The following ATP6V1H variants were observed in gnomAD, a reference collection of about 807,000 sequenced individuals.
The protein encoded by ATP6V1H is ATPase H+ transporting V1 subunit H.
A neutral mutation model predicts 71.7 loss-of-function variants in ATP6V1H; 39 were observed. The ratio of observed to expected loss-of-function variants is 0.54; its 90% CI spans 0.42 to 0.71. The LOEUF is 0.71. Among genes scored for constraint, ATP6V1H ranks in the 30% least tolerant of loss-of-function variants. ATP6V1H has a pLI of 0.00. For missense variants in ATP6V1H, 509 were observed against 594.9 expected (o/e 0.86, Z 1.50); for synonymous variants, 192 against 199.3 (o/e 0.96, Z 0.31).
intron 12 of ATP6V1H, among the ~76,000 whole-genome samples, chr8:53,751,029 G>C (rs911104761): frequency 2.0e-5 from 3 of 152,198 alleles, no homozygotes; most frequent in Non-Finnish European, 4.4e-5. Flanking sequence ...AAGGCACAGA[G>C]AGGTAAAGGG....
At chr8:53,792,243 T>C (rs1441132232) in intron 9 of ATP6V1H, among the ~76,000 whole-genome samples, 1 of 152,188 alleles carries the variant, frequency 6.6e-6, no homozygotes, top group Non-Finnish European at 1.5e-5. Context: ...AAGAGTGAAC[T>C]TCAAGGACCA....
intron 4 of ATP6V1H, among the ~76,000 whole-genome samples, chr8:53,819,547 CATATATATATATATATATATATATATAT>C (rs34645455): frequency 2.8e-5 from 1 of 35,136 alleles, no homozygotes; most frequent in Admixed American, 4.9e-4. Flanking sequence ...AAAAAAAAAG[CATATATATATATATATATATATATATAT>C]ATATATATAT....
At chr8:53,804,901 C>T (rs1024761897) in intron 7 of ATP6V1H, among the ~76,000 whole-genome samples, 4 of 152,302 alleles carry the variant, frequency 2.6e-5, no homozygotes, top group South Asian at 2.1e-4. Context: ...GCTGAAAATG[C>T]AAGCTCTTAC....
chr8:53,739,146 A>C (rs1293536272), intron 13 of ATP6V1H, among the ~76,000 whole-genome samples: 3 of 151,504 alleles, frequency 2.0e-5, no homozygotes, highest in African/African-American at 7.4e-5. Context: ...TAGAAATTAG[A>C]ATTCTAATTT....
chr8:53,738,417 C>T (rs1313861031), intron 13 of ATP6V1H, among the ~76,000 whole-genome samples: 1 of 152,140 alleles, frequency 6.6e-6, no homozygotes, highest in Non-Finnish European at 1.5e-5. Context: ...CAATGAAAAC[C>T]AAAGCAAGTT....
chr8:53,796,328 C>A (rs1809735646), intron 8 of ATP6V1H, among the ~76,000 whole-genome samples: 2 of 151,992 alleles, frequency 1.3e-5, no homozygotes, highest in Non-Finnish European at 2.9e-5. Context: ...ATCAAGAGAT[C>A]AAAAACCTCA....
At chr8:53,829,382 GCTA>G in intron 4 of ATP6V1H, 59 bp downstream of exon 4, 6 of 990,120 alleles carry the variant, frequency 6.1e-6, no homozygotes, top group Non-Finnish European at 7.9e-6. Context: ...CAAAAATGCT[GCTA>G]CTGTGAGGTA....
chr8:53,752,631 A>G (rs1299714896), intron 12 of ATP6V1H, among the ~76,000 whole-genome samples: 1 of 151,988 alleles, frequency 6.6e-6, no homozygotes, highest in African/African-American at 2.4e-5. Context: ...GCTCACTGCA[A>G]CCTCCACCTC....
chr8:53,827,705 T>A (rs1449681241), intron 4 of ATP6V1H, among the ~76,000 whole-genome samples: 3 of 152,144 alleles, frequency 2.0e-5, no homozygotes, highest in Non-Finnish European at 4.4e-5. Context: ...TATTTCATAA[T>A]CCAGGTACTA....
intron 12 of ATP6V1H, among the ~76,000 whole-genome samples, chr8:53,744,273 T>C (rs1807518007): frequency 6.7e-6 from 1 of 149,396 alleles, no homozygotes; most frequent in Admixed American, 6.7e-5. Flanking sequence ...AGAACATTCA[T>C]ATCTTCGAGA....
At chr8:53,763,165 G>T (rs1028728115) in intron 11 of ATP6V1H, among the ~76,000 whole-genome samples, 6 of 152,154 alleles carry the variant, frequency 3.9e-5, no homozygotes, top group Non-Finnish European at 7.4e-5. Context: ...TTTTGACTGT[G>T]GGGGAGGAGG....
chr8:53,840,939 A>G (rs1480112134), intron 2 of ATP6V1H, among the ~76,000 whole-genome samples: 3 of 152,206 alleles, frequency 2.0e-5, no homozygotes, highest in African/African-American at 7.2e-5. Context: ...CACATTAAAT[A>G]TTAATACATA....
At chr8:53,840,202 A>C (rs1811297465) in intron 2 of ATP6V1H, among the ~76,000 whole-genome samples, 1 of 152,176 alleles carries the variant, frequency 6.6e-6, no homozygotes, top group African/African-American at 2.4e-5. Flanking sequence ...GCCACAGTTA[A>C]CATACTGAAT....
intron 3 of ATP6V1H, 145 bp from the exon 4 acceptor site, chr8:53,829,678 T>C (rs1810942210): frequency 1.8e-6 from 1 of 548,528 alleles, no homozygotes; most frequent in Non-Finnish European, 3.2e-6. Context: ...ATACCTTTTA[T>C]AAATATTGTG....
chr8:53,776,900 A>G (rs139725201), intron 9 of ATP6V1H, among the ~76,000 whole-genome samples: 169 of 152,364 alleles, frequency 1.1e-3, no homozygotes, highest in African/African-American at 3.7e-3. Context: ...ATAAAAACAC[A>G]GATCATTTGA....
chr8:53,785,886 C>T (rs960388799), intron 9 of ATP6V1H, among the ~76,000 whole-genome samples: 3 of 152,212 alleles, frequency 2.0e-5, no homozygotes, highest in South Asian at 2.1e-4. Flanking sequence ...GCTGCTTGAT[C>T]GTTCCTCTGG....
chr8:53,747,665 GAGT>G (rs1563447190), intron 12 of ATP6V1H, among the ~76,000 whole-genome samples: 1 of 151,594 alleles, frequency 6.6e-6, no homozygotes, highest in East Asian at 2.0e-4. Flanking sequence ...CAAGCCTCCC[GAGT>G]AGCTGGGATT....
chr8:53,823,559 C>A (rs1810728942), intron 4 of ATP6V1H, among the ~76,000 whole-genome samples: 1 of 152,222 alleles, frequency 6.6e-6, no homozygotes, highest in South Asian at 2.1e-4. Flanking sequence ...CTCACTGCAA[C>A]CTCCACCTCT....
chr8:53,737,032 T>A (rs561063262), intron 13 of ATP6V1H, among the ~76,000 whole-genome samples: 1 of 152,190 alleles, frequency 6.6e-6, no homozygotes, highest in Non-Finnish European at 1.5e-5. Context: ...CAGCCACATA[T>A]CCCTTGCTTG....
Sources: allele counts gnomAD v4.1 joint callset (sites outside exome capture counted in the v4.1 genomes callset), GRCh38; gene constraint gnomAD v4.1.1; transcripts MANE v1.5; gene names NCBI Gene and HGNC (gene_info 2026-07-23, HGNC 2026-07-21).